Variants in REV1 observed in about 807,000 individuals in gnomAD.
The protein encoded by REV1 is REV1 DNA directed polymerase.
Under a neutral mutation model 137.4 loss-of-function variants are expected in REV1, and 42 were observed. That is an observed-to-expected ratio of 0.31 (90% CI 0.24 to 0.40). The LOEUF is 0.40. Among genes scored for constraint, REV1 ranks in the 10% least tolerant of loss-of-function variants. The pLI, the probability that REV1 is intolerant of heterozygous loss-of-function variation, is 1.00. For missense variants in REV1, 1,282 were observed against 1,490.1 expected (o/e 0.86, Z 2.30); for synonymous variants, 524 against 519.2 (o/e 1.01, Z -0.12).
At chr2:99,465,748 T>C (rs1304288865) in intron 1 of REV1, among the ~76,000 whole-genome samples, 2 of 152,228 alleles carry the variant, frequency 1.3e-5, no homozygotes, top group Non-Finnish European at 2.9e-5. Context: ...AAAATTAATA[T>C]GACTTCTATT....
At chr2:99,401,443 C>CA (rs528664310) in intron 22 of REV1, 91 bp from the exon 23 acceptor site, 48,646 of 563,828 alleles carry the variant, frequency 0.086, 211 homozygotes, top group Non-Finnish European at 0.096. Flanking sequence ...TTGACTTTGG[C>CA]AAAAAAAAAA....
intron 1 of REV1, among the ~76,000 whole-genome samples, chr2:99,486,377 A>G (rs1687131601): frequency 6.6e-6 from 1 of 151,958 alleles, no homozygotes; most frequent in African/African-American, 2.4e-5. Flanking sequence ...AAAATACAAA[A>G]AATTAGCCGG....
At position 99,421,694 on chromosome 2, in the gene REV1, C is replaced by T. The variant is rs1028564285; in HGVS notation, c.1677-41G>A. On this transcript the variant is annotated intron_variant, in intron 10 of 22. Transcript: ENST00000258428. ...AAAGGCAACGAATCACAGCCACAGC[C>T]ACCATCTGGTAGACCCAATGTTGCA... The T allele has an allele frequency of 4.4e-6, 7 of 1,588,652 alleles. No individual in the cohort carries two copies. The Admixed American group carries it at 1.2e-4, about 28-fold the overall frequency.
At chr2:99,448,953 C>T (rs1383909182) in intron 4 of REV1, among the ~76,000 whole-genome samples, 1 of 152,138 alleles carries the variant, frequency 6.6e-6, no homozygotes, top group Non-Finnish European at 1.5e-5. Flanking sequence ...TTATTTTTCA[C>T]CCTGTCAATC....
intron 8 of REV1, among the ~76,000 whole-genome samples, 180 bp downstream of exon 8, chr2:99,434,152 A>G (rs1017242710): frequency 6.6e-6 from 1 of 152,208 alleles, no homozygotes; most frequent in East Asian, 1.9e-4. Flanking sequence ...TTCACTCTCT[A>G]CTTCAGGAAA....
At chr2:99,410,972 C>G in intron 13 of REV1, 105 bp from the exon 14 acceptor site, 3 of 1,060,698 alleles carry the variant, frequency 2.8e-6, no homozygotes, top group Non-Finnish European at 2.6e-6. Context: ...TGGTTACTCA[C>G]TATCACGCTC....
At chr2:99,420,872 A>G (rs779205633) in intron 11 of REV1, among the ~76,000 whole-genome samples, 31 of 152,328 alleles carry the variant, frequency 2.0e-4, no homozygotes, top group African/African-American at 7.5e-4. Context: ...GAAAAGGGGT[A>G]TCTTGCCAGA....
intron 10 of REV1, 87 bp from the exon 11 acceptor site, chr2:99,421,740 C>T: frequency 1.5e-6 from 2 of 1,362,118 alleles, no homozygotes; most frequent in Non-Finnish European, 2.0e-6. Flanking sequence ...CTTATCCTCT[C>T]TTTTTTCTAT....
chr2:99,481,708 C>CACACAA (rs1553572589), intron 1 of REV1, among the ~76,000 whole-genome samples: 1 of 151,768 alleles, frequency 6.6e-6, no homozygotes, highest in African/African-American at 2.4e-5. Context: ...CACACACACA[C>CACACAA]AAAAATTTAA....
intron 8 of REV1, among the ~76,000 whole-genome samples, chr2:99,430,295 T>A (rs1451006965): frequency 6.6e-6 from 1 of 152,098 alleles, no homozygotes; most frequent in Non-Finnish European, 1.5e-5. Flanking sequence ...CTCCCTCTTA[T>A]AACCTTAAAA....
chr2:99,406,622 T>C, intron 15 of REV1, 132 bp from the exon 16 acceptor site: 1 of 677,650 alleles, frequency 1.5e-6, no homozygotes, highest in Non-Finnish European at 2.3e-6. Context: ...TAAATGAAAG[T>C]ATTCAAACAG....
At chr2:99,448,700 TCTTTG>T (rs1474866878) in intron 4 of REV1, among the ~76,000 whole-genome samples, 3 of 152,166 alleles carry the variant, frequency 2.0e-5, no homozygotes, top group African/African-American at 7.2e-5. Flanking sequence ...AGTGAAGGGA[TCTTTG>T]CTTTGTTCAT....
chr2:99,406,765 G>GA, intron 15 of REV1: 1 of 243,604 alleles, frequency 4.1e-6, no homozygotes, highest in Non-Finnish European at 7.8e-6. Flanking sequence ...CAAACAAGTG[G>GA]AATACTGTAT....
intron 4 of REV1, among the ~76,000 whole-genome samples, chr2:99,442,823 GA>G (rs1251146599): frequency 6.6e-6 from 1 of 152,092 alleles, no homozygotes; most frequent in Non-Finnish European, 1.5e-5. Flanking sequence ...ATTCATGTCA[GA>G]AACTGTAAAA....
chr2:99,423,619 T>G (rs1193020041), intron 10 of REV1, among the ~76,000 whole-genome samples: 2 of 152,312 alleles, frequency 1.3e-5, no homozygotes, highest in Non-Finnish European at 2.9e-5. Flanking sequence ...TTTTAAATAT[T>G]TTTAAAATTA....
At chr2:99,442,573 G>A (rs1183858215) in intron 4 of REV1, 104 bp from the exon 5 acceptor site, 1 of 1,053,780 alleles carries the variant, frequency 9.5e-7, no homozygotes, top group Non-Finnish European at 1.4e-6. Flanking sequence ...ACCAACAACA[G>A]GTCATCTGTT....
At chr2:99,475,964 C>T (rs1473872675) in intron 1 of REV1, among the ~76,000 whole-genome samples, 1 of 152,188 alleles carries the variant, frequency 6.6e-6, no homozygotes, top group African/African-American at 2.4e-5. Flanking sequence ...GCCTGGGTGA[C>T]AGAGTGAGAC....
At chr2:99,486,570 A>G (rs1358175950) in intron 1 of REV1, among the ~76,000 whole-genome samples, 1 of 152,144 alleles carries the variant, frequency 6.6e-6, no homozygotes, top group Non-Finnish European at 1.5e-5. Context: ...CTTTACATAC[A>G]TTAACTCAAT....
chr2:99,401,378 C>A, intron 22 of REV1, 26 bp from the exon 23 acceptor site: 3 of 1,484,030 alleles, frequency 2.0e-6, no homozygotes, highest in South Asian at 2.3e-5. Context: ...GAAGAAATGT[C>A]ATTAGGAATT....
Sources: allele counts gnomAD v4.1 joint callset (sites outside exome capture counted in the v4.1 genomes callset), GRCh38; gene constraint gnomAD v4.1.1; transcripts MANE v1.5; gene names NCBI Gene and HGNC (gene_info 2026-07-23, HGNC 2026-07-21).